Variants in CADPS observed in about 807,000 individuals in gnomAD.
CADPS encodes calcium dependent secretion activator, also known as calcium-dependent secretion activator 1.
In CADPS, 57 loss-of-function variants were observed where a neutral mutation model predicts 167.3. The observed-to-expected ratio is 0.34, with a 90% CI of 0.28 to 0.42. The LOEUF (loss-of-function observed/expected upper bound fraction) is 0.42, where lower values mean the gene tolerates loss of function less well. Among genes scored for constraint, CADPS ranks in the 20% least tolerant of loss-of-function variants. The probability of loss-of-function intolerance (pLI) is 1.00; values close to 1 mark genes in which losing one functional copy is unlikely to be tolerated. For missense variants in CADPS, 1,414 were observed against 1,738.1 expected, an observed-to-expected ratio of 0.81 and a Z score of 3.32; for synonymous variants, 676 against 635.3, an observed-to-expected ratio of 1.06 and a Z score of -0.96.
chr3:62,629,678 G>A (rs552737080), intron 6 of CADPS, among the ~76,000 whole-genome samples: 172 of 152,168 alleles, frequency 1.1e-3, no homozygotes, highest in Non-Finnish European at 1.9e-3. Flanking sequence ...AAGACCTTTC[G>A]TGTCCTACAA....
intron 1 of CADPS, among the ~76,000 whole-genome samples, chr3:62,837,854 C>T (rs192328016): frequency 6.6e-6 from 1 of 152,250 alleles, no homozygotes; most frequent in Non-Finnish European, 1.5e-5. Context: ...AACTATAAGA[C>T]ATAATGCATG....
rs560228271 is a variant in CADPS at position 62,779,397 on chromosome 3, T to C, written c.442-13413A>G. The C allele has an allele frequency of 2.0e-4, 93 of 465,374 alleles. 1 individual carries two copies. The highest frequency in any genetic ancestry group is 1.7e-3 in the South Asian group (88 of 52,216). 28.8% of individuals were successfully genotyped at this position (465,374 alleles called of 1,614,324 possible). A position where few individuals can be genotyped will look rare whatever the true frequency, so the allele number is the denominator to read the frequency against. On this transcript the variant is annotated intron_variant, in intron 1 of 29. Coordinates refer to ENST00000383710, the MANE Select transcript of CADPS (RefSeq NM_003716.4). Reference sequence around the variant, plus strand: ...TTTTGGGAGACACTTTCAGGAGAGCTGCCTTTTGAAGCTTCTTAATTTCAT... The same window carrying C: ...TTTTGGGAGACACTTTCAGGAGAGCCGCCTTTTGAAGCTTCTTAATTTCAT...
At chr3:62,652,398 CCAA>C (rs1266580706) in intron 4 of CADPS, among the ~76,000 whole-genome samples, 826 of 54,804 alleles carry the variant, frequency 0.015, 2 homozygotes, top group African/African-American at 0.067. Context: ...TTCTGTGTGG[CCAA>C]AAAAAAAAAA....
chr3:62,783,039 C>A (rs112629553), intron 1 of CADPS, among the ~76,000 whole-genome samples: 7,534 of 152,246 alleles, frequency 0.049, 269 homozygotes, highest in Middle Eastern at 0.088. Context: ...GGATTACAGG[C>A]GTGAGCCATT....
intron 9 of CADPS, among the ~76,000 whole-genome samples, chr3:62,565,930 G>C (rs1487146281): frequency 6.6e-6 from 1 of 152,228 alleles, no homozygotes; most frequent in Non-Finnish European, 1.5e-5. Flanking sequence ...TGTATGTGTA[G>C]AGCAGGAGAT....
intron 26 of CADPS, among the ~76,000 whole-genome samples, chr3:62,463,038 C>T (rs1041946552): frequency 2.0e-5 from 3 of 152,120 alleles, no homozygotes; most frequent in Admixed American, 6.6e-5. Flanking sequence ...CAACAGGCAC[C>T]GAAGTGTTCT....
At chr3:62,857,055 G>A (rs567252915) in intron 1 of CADPS, among the ~76,000 whole-genome samples, 1 of 151,862 alleles carries the variant, frequency 6.6e-6, no homozygotes, top group African/African-American at 2.4e-5. Context: ...ACATAAAAAC[G>A]GTCCATCACA....
At chr3:62,672,206 T>TA (rs1348303700) in intron 3 of CADPS, among the ~76,000 whole-genome samples, 2 of 13,216 alleles carry the variant, frequency 1.5e-4, no homozygotes, top group Non-Finnish European at 5.2e-3. Context: ...AAACACAGAG[T>TA]CCGGGCCTCA....
chr3:62,669,866 T>C (rs1050493850), intron 3 of CADPS, among the ~76,000 whole-genome samples: 6 of 152,220 alleles, frequency 3.9e-5, no homozygotes, highest in African/African-American at 9.6e-5. Context: ...ATAGCCTGCA[T>C]ATATTCTCCC....
chr3:62,871,794 C>T (rs1473723012), intron 1 of CADPS, among the ~76,000 whole-genome samples: 1 of 152,054 alleles, frequency 6.6e-6, no homozygotes, highest in Non-Finnish European at 1.5e-5. Context: ...TCATTGTAAC[C>T]CATGTCCCAT....
intron 6 of CADPS, among the ~76,000 whole-genome samples, chr3:62,634,279 C>T (rs1186601659): frequency 1.3e-5 from 2 of 152,066 alleles, no homozygotes; most frequent in African/African-American, 4.8e-5. Flanking sequence ...ATATAATGTT[C>T]TTCTTAAAGA....
At chr3:62,561,618 A>G (rs1048735467) in intron 9 of CADPS, among the ~76,000 whole-genome samples, 1 of 152,130 alleles carries the variant, frequency 6.6e-6, no homozygotes, top group African/African-American at 2.4e-5. Context: ...GTTTTAATAT[A>G]TAGGAACTGT....
chr3:62,546,889 T>C (rs760131305), intron 11 of CADPS, among the ~76,000 whole-genome samples: 1 of 152,198 alleles, frequency 6.6e-6, no homozygotes, highest in African/African-American at 2.4e-5. Flanking sequence ...CAATTTCCCA[T>C]GGATACTGAG....
intron 2 of CADPS, among the ~76,000 whole-genome samples, chr3:62,757,097 C>T (rs148616417): frequency 9.3e-4 from 141 of 152,174 alleles, no homozygotes; most frequent in African/African-American, 3.2e-3. Context: ...TGTACGAGAC[C>T]GGGTGAGTGT....
At chr3:62,764,471 AT>A (rs1334644474) in intron 2 of CADPS, among the ~76,000 whole-genome samples, 3 of 152,214 alleles carry the variant, frequency 2.0e-5, no homozygotes, top group African/African-American at 7.2e-5. Flanking sequence ...CCAAATAAAA[AT>A]TTCTTGAAGA....
chr3:62,675,644 T>A (rs1015134895), intron 3 of CADPS, among the ~76,000 whole-genome samples: 1 of 152,134 alleles, frequency 6.6e-6, no homozygotes, highest in Non-Finnish European at 1.5e-5. Context: ...CACTGGGAAG[T>A]TCAAATTAAG....
At chr3:62,474,004 T>A (rs2150590204) in intron 24 of CADPS, 169 bp downstream of exon 24, 2 of 524,608 alleles carry the variant, frequency 3.8e-6, no homozygotes, top group South Asian at 6.4e-5. Flanking sequence ...GCCTTAGAAA[T>A]CTACTTGACA....
At chr3:62,439,050 C>T (rs2055762640) in intron 27 of CADPS, 1 of 151,676 alleles carries the variant, frequency 6.6e-6, no homozygotes, top group Non-Finnish European at 1.5e-5. Flanking sequence ...ATGTCACAAT[C>T]AAAGTTATCT....
chr3:62,512,731 T>C lies in CADPS; in HGVS notation c.2599+20A>G, dbSNP rs1343938107. The stretch of plus-strand genomic sequence containing the variant: ...ACTCAACAGTCCTGATAATTTATAA[T>C]GCATATACAATTGGTTCACCTGCAT... On this transcript the variant is annotated intron_variant, in intron 17 of 29. Transcript: ENST00000383710. 51 of 1,592,048 alleles carry C rather than the reference T, an allele frequency of 3.2e-5. No individual in the cohort carries two copies. The highest frequency in any genetic ancestry group is 4.4e-5 in the Non-Finnish European group (51 of 1,163,198).
Sources: allele counts gnomAD v4.1 joint callset (sites outside exome capture counted in the v4.1 genomes callset), GRCh38; gene constraint gnomAD v4.1.1; transcripts MANE v1.5; gene names NCBI Gene and HGNC (gene_info 2026-07-23, HGNC 2026-07-21).